Variants in AUTS2 observed in about 807,000 individuals in gnomAD.
The protein encoded by AUTS2 is activator of transcription and developmental regulator AUTS2, also known as autism susceptibility gene 2 protein.
Under a neutral mutation model 112.4 loss-of-function variants are expected in AUTS2, and 17 were observed. That is an observed-to-expected ratio of 0.15 (90% CI 0.10 to 0.23). AUTS2 has a LOEUF of 0.23. Among genes scored for constraint, AUTS2 ranks in the 10% least tolerant of loss-of-function variants. The pLI is 1.00. For missense variants in AUTS2, 1,510 were observed against 1,701.6 expected (o/e 0.89, Z 1.98); for synonymous variants, 751 against 702.7 (o/e 1.07, Z -1.09).
chr7:70,785,845 T>TG (rs1285251855), intron 16 of AUTS2, 110 bp from the exon 17 acceptor site: 27 of 966,034 alleles, frequency 2.8e-5, no homozygotes, highest in Non-Finnish European at 2.4e-5. Context: ...ACAGGCCAGG[T>TG]GGGGGCGTAG....
chr7:69,756,875 A>C (rs981592969), intron 1 of AUTS2, among the ~76,000 whole-genome samples: 1 of 152,192 alleles, frequency 6.6e-6, no homozygotes. Context: ...TAGTGAATGA[A>C]GATATACTGA....
At chr7:70,567,292 CT>C (rs780705372) in intron 5 of AUTS2, among the ~76,000 whole-genome samples, 16 of 152,152 alleles carry the variant, frequency 1.1e-4, no homozygotes, top group Non-Finnish European at 2.1e-4. Context: ...TCATTCTTGA[CT>C]TTTTTCAAAA....
At chr7:69,896,893 AC>A (rs1208321967) in intron 1 of AUTS2, among the ~76,000 whole-genome samples, 2 of 151,778 alleles carry the variant, frequency 1.3e-5, no homozygotes, top group Non-Finnish European at 2.9e-5. Context: ...CTCAGCTCTA[AC>A]CCTCTCCTCT....
intron 5 of AUTS2, among the ~76,000 whole-genome samples, chr7:70,606,834 C>T (rs1237149091): frequency 6.6e-6 from 1 of 150,452 alleles, no homozygotes; most frequent in Non-Finnish European, 1.5e-5. Context: ...TGTACTCCAG[C>T]CTGGGCGACA....
chr7:69,964,044 A>C (rs985639967), intron 2 of AUTS2, among the ~76,000 whole-genome samples: 4 of 152,178 alleles, frequency 2.6e-5, no homozygotes, highest in African/African-American at 7.2e-5. Context: ...TGGGAGAAAA[A>C]ATGAATAGAA....
intron 2 of AUTS2, among the ~76,000 whole-genome samples, chr7:70,037,734 C>T (rs987616181): frequency 6.6e-6 from 1 of 152,036 alleles, no homozygotes. Context: ...TGGGTCTGTA[C>T]CCTGCTCTGC....
chr7:70,368,663 A>G (rs1403489659), intron 4 of AUTS2, among the ~76,000 whole-genome samples: 1 of 152,220 alleles, frequency 6.6e-6, no homozygotes, highest in East Asian at 1.9e-4. Flanking sequence ...CTCTGCAGTC[A>G]TCATAGAGCA....
intron 4 of AUTS2, among the ~76,000 whole-genome samples, chr7:70,401,488 G>T: frequency 6.6e-6 from 1 of 152,204 alleles, no homozygotes; most frequent in East Asian, 1.9e-4. Context: ...ATAACCTTTG[G>T]AGGCTGTGGA....
At chr7:70,177,499 C>A (rs956923411) in intron 4 of AUTS2, among the ~76,000 whole-genome samples, 4 of 152,166 alleles carry the variant, frequency 2.6e-5, no homozygotes, top group African/African-American at 9.7e-5. Flanking sequence ...TGTTTTAGAT[C>A]ATTTCATTTC....
At chr7:70,709,277 A>G (rs975322556) in intron 6 of AUTS2, among the ~76,000 whole-genome samples, 29 of 152,232 alleles carry the variant, frequency 1.9e-4, no homozygotes, top group African/African-American at 7.0e-4. Flanking sequence ...GGGAAGCCCC[A>G]TGCCCAAGCC....
At chr7:70,503,738 C>CA (rs1475009029) in intron 5 of AUTS2, among the ~76,000 whole-genome samples, 1 of 151,166 alleles carries the variant, frequency 6.6e-6, no homozygotes, top group Non-Finnish European at 1.5e-5. Context: ...AGGCTGGTCT[C>CA]AAACTCCTAG....
At chr7:70,665,451 C>CTATTTATCTATTTATTTATTTATTTATT (rs1554455006) in intron 5 of AUTS2, among the ~76,000 whole-genome samples, 39 of 147,120 alleles carry the variant, frequency 2.7e-4, no homozygotes, top group African/African-American at 9.9e-4. Context: ...ATCTATTTAT[C>CTATTTATCTATTTATTTATTTATTTATT]TATTTATTTA....
At chr7:70,507,423 A>C (rs1393112283) in intron 5 of AUTS2, among the ~76,000 whole-genome samples, 5 of 152,150 alleles carry the variant, frequency 3.3e-5, no homozygotes, top group Non-Finnish European at 7.4e-5. Flanking sequence ...GGTGCAGATG[A>C]GTGTGCAAGT....
chr7:70,685,943 A>G (rs996566381), intron 5 of AUTS2, among the ~76,000 whole-genome samples: 4 of 151,822 alleles, frequency 2.6e-5, no homozygotes, highest in African/African-American at 9.7e-5. Context: ...CCGGGAGCCC[A>G]TGGCTACAGC....
chr7:69,994,996 G>A (rs575657667), intron 2 of AUTS2, among the ~76,000 whole-genome samples: 1 of 152,258 alleles, frequency 6.6e-6, no homozygotes, highest in African/African-American at 2.4e-5. Context: ...GAGTTCAGGG[G>A]CTTCCAAATG....
At chr7:69,608,141 C>T (rs958763365) in intron 1 of AUTS2, among the ~76,000 whole-genome samples, 1 of 152,092 alleles carries the variant, frequency 6.6e-6, no homozygotes, top group Admixed American at 6.5e-5. Flanking sequence ...GCCATGTTGC[C>T]CAGGCTGGTT....
chr7:70,057,374 A>G lies in AUTS2; in HGVS notation c.523-60758A>G, dbSNP rs151321401. Among the ~76,000 whole-genome samples, 454 of 152,298 alleles carry G rather than the reference A, an allele frequency of 3.0e-3. 5 individuals carry two copies. Among genetic ancestry groups the G allele is most frequent in the African/African-American group, 0.01 (435 of 41,574 alleles). On this transcript the variant is annotated intron_variant, in intron 2 of 18. Coordinates refer to ENST00000342771, the MANE Select transcript of AUTS2 (RefSeq NM_015570.4). ...GCTGTGGAGATTTTCAGGAGCATCA[A>G]TGCCGGCTGACCGGACTGGTATTTG...
intron 1 of AUTS2, among the ~76,000 whole-genome samples, chr7:69,650,701 T>C (rs935891468): frequency 6.6e-6 from 1 of 152,232 alleles, no homozygotes; most frequent in Admixed American, 6.5e-5. Flanking sequence ...ATTGCACGGG[T>C]TGCAAGCCCA....
Position 70,185,475 on chromosome 7 carries a change from G to T in AUTS2, c.660+50904G>T, listed in dbSNP as rs567595240. 4.6e-4 allele frequency among the ~76,000 whole-genome samples: 70 copies of T among 152,076 alleles called. 1 individual carries two copies. The highest frequency in any genetic ancestry group is 1.5e-3 in the African/African-American group (62 of 41,488). ...AAATGCCTCTCTGAGGCCTTTCCCA[G>T]TTTGTGAGGCCACTTGTCTTATTAT... On this transcript the variant is annotated intron_variant, in intron 4 of 18. Transcript: ENST00000342771.
Sources: gnomAD v4.1 joint callset for allele counts (sites outside exome capture counted in the v4.1 genomes callset) on GRCh38, gnomAD v4.1.1 for gene constraint, MANE v1.5 for transcripts, NCBI Gene and HGNC (gene_info 2026-07-23, HGNC 2026-07-21) for gene names.